TMEM44: variants seen among roughly 807,000 people sequenced by gnomAD.
TMEM44 encodes the protein transmembrane protein 44.
Under a neutral mutation model 47.8 loss-of-function variants are expected in TMEM44, and 43 were observed. That is an observed-to-expected ratio of 0.90 (90% CI 0.70 to 1.16). The LOEUF is 1.16. TMEM44 is among the 50% of genes most tolerant of loss of function. The probability of loss-of-function intolerance (pLI) is 0.00; values close to 1 mark genes in which losing one functional copy is unlikely to be tolerated. For missense variants in TMEM44, 568 were observed against 555.2 expected, an observed-to-expected ratio of 1.02 and a Z score of -0.23; for synonymous variants, 277 against 238.8, an observed-to-expected ratio of 1.16 and a Z score of -1.48.
chr3:194,596,196 G>C (rs1268150232), intron 9 of TMEM44, among the ~76,000 whole-genome samples: 1 of 152,042 alleles, frequency 6.6e-6, no homozygotes, highest in Admixed American at 6.6e-5. Context: ...GGGAAGCATC[G>C]GGCTGGGGTC....
chr3:194,594,685 C>G (rs560287262), intron 9 of TMEM44, among the ~76,000 whole-genome samples: 44 of 151,188 alleles, frequency 2.9e-4, no homozygotes, highest in African/African-American at 1.0e-3. Context: ...TCCACACACT[C>G]TGGAAAAGAC....
chr3:194,626,587 T>C (rs1354171359), intron 2 of TMEM44, among the ~76,000 whole-genome samples: 1 of 152,138 alleles, frequency 6.6e-6, no homozygotes, highest in Non-Finnish European at 1.5e-5. Flanking sequence ...TCTCTACATC[T>C]GTAGAACAGG....
chr3:194,604,582 C>CACA, intron 8 of TMEM44, 137 bp from the exon 9 acceptor site: 1 of 1,148,362 alleles, frequency 8.7e-7, no homozygotes, highest in Non-Finnish European at 1.2e-6. Context: ...TGCTCTCCTG[C>CACA]CCTGGCCATC....
Position 194,593,133 on chromosome 3 carries a change from C to T in TMEM44, c.1177-4494G>A, listed in dbSNP as rs1171661500. On this transcript the variant is annotated intron_variant, in intron 9 of 9. Transcript: ENST00000347147. ...GACAGATTTTGCCACCATCCCACAG[C>T]AGAGCAGAGCTCAGGACCAGCTCCT... is the stretch of plus-strand genomic sequence containing the variant. The T allele has an allele frequency of 4.5e-6, 7 of 1,568,088 alleles. No homozygotes were observed. The African/African-American group carries it at 9.5e-5, about 21-fold the overall frequency.
In TMEM44 at chr3:194,617,236, A is replaced by C; in HGVS notation, c.646T>G (p.Trp216Gly). The C allele has an allele frequency of 6.5e-7, 1 of 1,549,202 alleles. No individual in the cohort carries two copies. The highest frequency in any genetic ancestry group is 2.0e-5 in the Admixed American group (1 of 50,284). The stretch of plus-strand genomic sequence containing the variant: ...GCCAGGGCCGACAGGAGCCGGGTCC[A>C]CAGGTGGATGGAGGGAAATGTCTTC... ...RGKTFPSIHL[W>G]TRLLSALAGL... Residue 216 changes from tryptophan (W) to glycine (G), a missense_variant, in exon 6 of 10, where the codon TGG becomes GGG. Trp to Gly is a radical substitution (Grantham distance 184). Transcript: ENST00000347147.
At position 194,617,086 on chromosome 3, in the gene TMEM44, C is replaced by G; in HGVS notation, c.783+13G>C. 1 of 1,497,056 alleles carries G rather than the reference C, an allele frequency of 6.7e-7. No individual in the cohort carries two copies. Among genetic ancestry groups the G allele is most frequent in the Non-Finnish European group, 8.9e-7 (1 of 1,119,484 alleles). The allele number at this position is 1,497,056 out of a possible 1,614,324, so 92.7% of individuals were successfully genotyped here. Reference sequence around the variant, plus strand: ...GCTGCAAGCAGGGAGCTCCCCAGGCCTGGGGTGGATACAGCGAGGTCCAGT... The same window carrying G: ...GCTGCAAGCAGGGAGCTCCCCAGGCGTGGGGTGGATACAGCGAGGTCCAGT... On this transcript the variant is annotated intron_variant, in intron 6 of 9. Coordinates refer to ENST00000347147, the MANE Select transcript of TMEM44 (RefSeq NM_001011655.3).
chr3:194,594,069 C>A (rs1430399443), intron 9 of TMEM44, among the ~76,000 whole-genome samples: 1 of 152,106 alleles, frequency 6.6e-6, no homozygotes, highest in Non-Finnish European at 1.5e-5. Flanking sequence ...ACCCTGGCCA[C>A]CCAAAATGCT....
At chr3:194,615,194 A>G (rs1289223165) in intron 7 of TMEM44, among the ~76,000 whole-genome samples, 1 of 151,938 alleles carries the variant, frequency 6.6e-6, no homozygotes, top group East Asian at 1.9e-4. Flanking sequence ...GTGAGCTGAG[A>G]TTGTGCTACT....
chr3:194,619,862 C>G lies in TMEM44; in HGVS notation c.613-2593G>C, dbSNP rs140969150. Among the ~76,000 whole-genome samples, 679 of 152,332 alleles carry G rather than the reference C, an allele frequency of 4.5e-3. 3 individuals are homozygous for G. The highest frequency in any genetic ancestry group is 0.016 in the African/African-American group (660 of 41,576). ...CCCCAGGGCAATCTCACTCTATCGT[C>G]CTGCCCAGGGGCCCTCAGGCTTCAA... On this transcript the variant is annotated intron_variant, in intron 5 of 9. Coordinates refer to ENST00000347147, the MANE Select transcript of TMEM44 (RefSeq NM_001011655.3).
intron 9 of TMEM44, chr3:194,597,273 T>C (rs1553825697): frequency 1.3e-5 from 2 of 152,148 alleles, no homozygotes. Context: ...CTGGATGCTG[T>C]CTATAAATGT....
intron 9 of TMEM44, chr3:194,593,148 G>T (rs1712977105): frequency 1.3e-6 from 2 of 1,497,964 alleles, no homozygotes; most frequent in South Asian, 2.3e-5. Context: ...CAGAGCTCAG[G>T]ACCAGCTCCT....
At chr3:194,623,905 C>A (rs186931996) in intron 3 of TMEM44, among the ~76,000 whole-genome samples, 1 of 152,294 alleles carries the variant, frequency 6.6e-6, no homozygotes, top group Non-Finnish European at 1.5e-5. Flanking sequence ...TGACTGCACA[C>A]CCCACCCCCA....
At chr3:194,625,424 CTT>C (rs1374945872) in intron 3 of TMEM44, among the ~76,000 whole-genome samples, 3 of 58,934 alleles carry the variant, frequency 5.1e-5, no homozygotes, top group Non-Finnish European at 1.0e-4. Flanking sequence ...CACTCTCCTT[CTT>C]TTTTGGGGGG....
intron 8 of TMEM44, among the ~76,000 whole-genome samples, chr3:194,609,632 C>T (rs1345119824): frequency 6.6e-6 from 1 of 152,052 alleles, no homozygotes; most frequent in Non-Finnish European, 1.5e-5. Flanking sequence ...TCCTGAGGAC[C>T]CCTCGTGTAG....
intron 9 of TMEM44, among the ~76,000 whole-genome samples, chr3:194,598,608 C>A (rs1713697879): frequency 6.6e-6 from 1 of 152,212 alleles, no homozygotes; most frequent in South Asian, 2.1e-4. Flanking sequence ...CACACCATGC[C>A]TAGCATAGTC....
chr3:194,608,200 TA>T (rs1714964108), intron 8 of TMEM44, among the ~76,000 whole-genome samples: 1 of 152,218 alleles, frequency 6.6e-6, no homozygotes, highest in Non-Finnish European at 1.5e-5. Context: ...AGTGGGCTCT[TA>T]GCTACAAAGG....
intron 9 of TMEM44, among the ~76,000 whole-genome samples, chr3:194,595,819 A>G (rs1705997): frequency 0.92 from 140,123 of 152,034 alleles, 64,632 homozygotes; most frequent in East Asian, 0.98. Flanking sequence ...TAGAGATGGG[A>G]TTTCACCATG....
chr3:194,623,004 A>T, intron 5 of TMEM44: 1 of 472,834 alleles, frequency 2.1e-6, no homozygotes, highest in East Asian at 4.1e-5. Context: ...TTTCCCCGAG[A>T]GGCTCCCGCC....
intron 9 of TMEM44, chr3:194,597,195 T>G (rs1006567363): frequency 5.9e-5 from 9 of 152,256 alleles, no homozygotes; most frequent in African/African-American, 1.9e-4. Context: ...ACAGCCTCCT[T>G]GCAGAATTCC....
Sources: allele counts gnomAD v4.1 joint callset (sites outside exome capture counted in the v4.1 genomes callset), GRCh38; gene constraint gnomAD v4.1.1; transcripts MANE v1.5; gene names NCBI Gene and HGNC (gene_info 2026-07-23, HGNC 2026-07-21).